SIRPD: variants seen among roughly 807,000 people sequenced by gnomAD.
SIRPD encodes signal regulatory protein delta.
Under a neutral mutation model 18.0 loss-of-function variants are expected in SIRPD, and 21 were observed. That is an observed-to-expected ratio of 1.17 (90% confidence interval 0.83 to 1.68). The LOEUF is 1.68. Ranked by LOEUF, SIRPD falls within the 40% of genes most tolerant of loss-of-function variation. The pLI is 0.00. For missense variants in SIRPD, 295 were observed against 238.4 expected, an observed-to-expected ratio of 1.24 and a Z score of -1.56; for synonymous variants, 106 against 92.9, an observed-to-expected ratio of 1.14 and a Z score of -0.81.
intron 2 of SIRPD, among the ~76,000 whole-genome samples, chr20:1,545,921 C>T (rs1414360934): frequency 6.6e-6 from 1 of 152,188 alleles, no homozygotes; most frequent in African/African-American, 2.4e-5. Flanking sequence ...ACTCCAGATC[C>T]TGTTTTCGTG....
chr20:1,536,826 C>A (rs2090947569), intron 3 of SIRPD, among the ~76,000 whole-genome samples: 1 of 152,106 alleles, frequency 6.6e-6, no homozygotes, highest in Non-Finnish European at 1.5e-5. Flanking sequence ...TCAGGTCCTG[C>A]AGGTCAGGCC....
chr20:1,545,262 G>C (rs1251253722), intron 2 of SIRPD, among the ~76,000 whole-genome samples: 1 of 152,068 alleles, frequency 6.6e-6, no homozygotes, highest in Non-Finnish European at 1.5e-5. Context: ...ATCAAACGTA[G>C]GTTTGGTCTT....
Position 1,545,198 on chromosome 20 carries a change from C to T in SIRPD, c.421+6493G>A, listed in dbSNP as rs528558011. On this transcript the variant is annotated intron_variant, in intron 2 of 3. Coordinates refer to ENST00000381623, the MANE Select transcript of SIRPD (RefSeq NM_178460.3). ...TGGGGAAGTTCTCCTGGATAATATCCTGAAGTGTGTTTTCCAACTTGGTTC... is the reference window on the plus strand; with the variant it reads ...TGGGGAAGTTCTCCTGGATAATATCTTGAAGTGTGTTTTCCAACTTGGTTC... 4.0e-5 allele frequency among the ~76,000 whole-genome samples: 6 copies of T among 151,726 alleles called. No individual in the cohort carries two copies. The South Asian group carries it at 1.0e-3, about 26-fold the overall frequency.
intron 2 of SIRPD, among the ~76,000 whole-genome samples, chr20:1,544,793 GCTCTTGTAAGGCAGGC>G (rs2090986766): frequency 6.6e-6 from 1 of 152,148 alleles, no homozygotes; most frequent in Non-Finnish European, 1.5e-5. Flanking sequence ...TCCTTCAGGA[GCTCTTGTAAGGCAGGC>G]CTGGTGGTGA....
intron 2 of SIRPD, chr20:1,540,328 G>A (rs980938450): frequency 4.4e-6 from 2 of 455,884 alleles, no homozygotes; most frequent in African/African-American, 4.0e-5. Flanking sequence ...TTCTAGAACT[G>A]TAAGAGACTA....
intron 2 of SIRPD, among the ~76,000 whole-genome samples, chr20:1,547,515 C>T (rs1042678400): frequency 6.6e-6 from 1 of 152,230 alleles, no homozygotes; most frequent in Non-Finnish European, 1.5e-5. Flanking sequence ...TCTCAGCCTC[C>T]CAAAGTGCTG....
Position 1,540,278 on chromosome 20 carries a change from CT to C in SIRPD, c.422-2969del, listed in dbSNP as rs1427083125. The C allele has an allele frequency of 6.6e-6, 3 of 455,896 alleles. No homozygotes were observed. In the Admixed American group the frequency reaches 7.1e-5, roughly 11 times the overall value. The allele number at this position is 455,896 out of a possible 1,614,324, so 28.2% of individuals were successfully genotyped here. ...CCAGAAGGAGCAGTTCTGCTGATGC[CT>C]TGATTTCAGTCCAGAGATGCAGATT... On this transcript the variant is annotated intron_variant, in intron 2 of 3. Coordinates refer to ENST00000381623, the MANE Select transcript of SIRPD (RefSeq NM_178460.3).
At chr20:1,538,344 T>C (rs1600062642) in intron 2 of SIRPD, among the ~76,000 whole-genome samples, 1 of 152,214 alleles carries the variant, frequency 6.6e-6, no homozygotes, top group African/African-American at 2.4e-5. Context: ...AAACATTTTT[T>C]CTGAGAGGGA....
Position 1,536,940 on chromosome 20 carries a change from C to T in SIRPD, c.577+215G>A, listed in dbSNP as rs1362044563. 2.6e-5 allele frequency among the ~76,000 whole-genome samples: 4 copies of T among 152,280 alleles called. No individual in the cohort carries two copies. The East Asian group carries it at 7.7e-4, about 29-fold the overall frequency. On this transcript the variant is annotated intron_variant, in intron 3 of 3. Coordinates refer to ENST00000381623, the MANE Select transcript of SIRPD (RefSeq NM_178460.3). ...GCCTGGATGGGAGAGAAAGCAACCC[C>T]TCCAAGCAAGAAGAATTCTGGAAGG...
In SIRPD at chr20:1,552,042, G is replaced by T. The variant is rs118123421; in HGVS notation, c.74-4C>A. 8.6e-5 allele frequency: 138 copies of T among 1,606,634 alleles called. No homozygotes were observed. In the East Asian group the frequency reaches 3.0e-3, roughly 35 times the overall value. ...ACATGGAACACATGTGTGACTCCTG[G>T]AAAAAAGCTGAAAATCATTTCTCAT... On this transcript the variant is annotated splice_polypyrimidine_tract_variant and splice_region_variant and intron_variant, in intron 1 of 3. Transcript: ENST00000381623.
intron 1 of SIRPD, among the ~76,000 whole-genome samples, chr20:1,556,094 CA>C (rs1204288306): frequency 2.0e-5 from 3 of 151,968 alleles, no homozygotes; most frequent in Non-Finnish European, 1.5e-5. Flanking sequence ...CCAGAAGTTG[CA>C]AAAAAACTCT....
chr20:1,537,368 G>C (rs899685092), intron 2 of SIRPD, 58 bp from the exon 3 acceptor site: 11 of 1,549,242 alleles, frequency 7.1e-6, no homozygotes, highest in Non-Finnish European at 8.8e-6. Flanking sequence ...ACTATGATGG[G>C]AGGAAAGGGC....
At chr20:1,535,508 A>AAG (rs150147309) in intron 3 of SIRPD, among the ~76,000 whole-genome samples, 8,608 of 152,008 alleles carry the variant, frequency 0.057, 279 homozygotes, top group Non-Finnish European at 0.078. Flanking sequence ...GTTTTATAAG[A>AAG]AGAGAGAGAG....
chr20:1,536,482 G>A (rs1195195323), intron 3 of SIRPD, among the ~76,000 whole-genome samples: 1 of 150,990 alleles, frequency 6.6e-6, no homozygotes, highest in Non-Finnish European at 1.5e-5. Flanking sequence ...ACACCACTGG[G>A]AGAAGAATGG....
intron 2 of SIRPD, among the ~76,000 whole-genome samples, chr20:1,543,527 T>C (rs1244643792): frequency 6.6e-6 from 1 of 152,114 alleles, no homozygotes; most frequent in Non-Finnish European, 1.5e-5. Context: ...TTTTCTTCTT[T>C]ATTAATCTAC....
In SIRPD at chr20:1,551,699, A is replaced by G. The variant is rs376356143; in HGVS notation, c.413T>C (p.Phe138Ser). ...EYQSGRGTQV[F>S]VTEQNPRPPK... is the part of the protein sequence containing the mutation. ...ATAGGAGACATACTCACCAGTAACA[A>G]ACACCTGAGTGCCCCGACCTGATTG... is the stretch of plus-strand genomic sequence containing the variant. Residue 138 changes from phenylalanine (F) to serine (S), a missense_variant, in exon 2 of 4, where the codon TTT (phenylalanine) becomes TCT (serine). Coordinates refer to ENST00000381623, the MANE Select transcript of SIRPD (RefSeq NM_178460.3). 2 of 1,611,998 alleles carry G rather than the reference A, an allele frequency of 1.2e-6. No homozygotes were observed. The highest frequency in any genetic ancestry group is 1.7e-6 in the Non-Finnish European group (2 of 1,178,552).
At chr20:1,542,226 T>C (rs959209400) in intron 2 of SIRPD, among the ~76,000 whole-genome samples, 1 of 152,194 alleles carries the variant, frequency 6.6e-6, no homozygotes, top group African/African-American at 2.4e-5. Flanking sequence ...ATAAATTACT[T>C]TGGGCAGTGT....
rs556446196 is a variant in SIRPD at position 1,551,834 on chromosome 20, G to C, written c.278C>G (p.Thr93Ser). Residue 93 changes from threonine (T) to serine (S), a missense_variant, in exon 2 of 4, where the codon ACC becomes AGC. Physicochemically the swap from Thr to Ser is moderately conservative, Grantham distance 58. Transcript: ENST00000381623. ...FPRVKEIGDT[T>S]KPGNTDFSTR... ...GGAAAAGTCTGTGTTGCCAGGCTTG[G>C]TGGTGTCTCCAATCTCTTTTACTCT... is the stretch of plus-strand genomic sequence containing the variant. 6.2e-7 allele frequency: 1 copy of C among 1,614,112 alleles called. No individual in the cohort carries two copies.
At chr20:1,552,375 C>T (rs746056798) in intron 1 of SIRPD, among the ~76,000 whole-genome samples, 68 of 152,222 alleles carry the variant, frequency 4.5e-4, no homozygotes, top group Middle Eastern at 3.4e-3. Flanking sequence ...TAGAGTCACT[C>T]GGTACATTTG....
Sources: allele counts gnomAD v4.1 joint callset (sites outside exome capture counted in the v4.1 genomes callset), GRCh38; gene constraint gnomAD v4.1.1; transcripts MANE v1.5; gene names NCBI Gene and HGNC (gene_info 2026-07-23, HGNC 2026-07-21).